The following ATP13A5 variants were observed in gnomAD, a reference collection of about 807,000 sequenced individuals.
ATP13A5 encodes the protein probable cation-transporting ATPase 13A5.
A neutral mutation model predicts 150.2 loss-of-function variants in ATP13A5; 149 were observed. The ratio of observed to expected loss-of-function variants is 0.99; its 90% confidence interval spans 0.87 to 1.14. The LOEUF is 1.14. Among genes scored for constraint, ATP13A5 ranks in the 50% most tolerant of loss-of-function variants. The pLI is 0.00. For missense variants in ATP13A5, 1,383 were observed against 1,449.3 expected (o/e 0.95, Z 0.74); for synonymous variants, 497 against 522.2 (o/e 0.95, Z 0.66).
At chr3:193,308,457 T>C (rs1031536311) in intron 21 of ATP13A5, among the ~76,000 whole-genome samples, 6 of 152,066 alleles carry the variant, frequency 3.9e-5, no homozygotes, top group African/African-American at 1.2e-4. Flanking sequence ...AGACTCTGTC[T>C]CAAAAACAAA....
At chr3:193,376,507 T>C (rs1482753369) in intron 1 of ATP13A5, among the ~76,000 whole-genome samples, 1 of 152,190 alleles carries the variant, frequency 6.6e-6, no homozygotes, top group Non-Finnish European at 1.5e-5. Context: ...CCACCATGCC[T>C]GGCCAGGGGT....
intron 25 of ATP13A5, among the ~76,000 whole-genome samples, chr3:193,294,818 C>T (rs1477065823): frequency 2.6e-5 from 4 of 152,224 alleles, no homozygotes; most frequent in Non-Finnish European, 5.9e-5. Flanking sequence ...CATAGTTTAG[C>T]CTAGCCTAGC....
At chr3:193,327,723 A>T (rs7620522) in intron 12 of ATP13A5, among the ~76,000 whole-genome samples, 11 of 152,156 alleles carry the variant, frequency 7.2e-5, no homozygotes, top group African/African-American at 2.2e-4. Flanking sequence ...AATGGAGCCG[A>T]GTACTATCAC....
At chr3:193,350,557 C>T (rs1401480037) in intron 7 of ATP13A5, among the ~76,000 whole-genome samples, 4 of 151,998 alleles carry the variant, frequency 2.6e-5, no homozygotes, top group Non-Finnish European at 5.9e-5. Flanking sequence ...TTGGGATTTC[C>T]GTAAAGATAT....
intron 18 of ATP13A5, among the ~76,000 whole-genome samples, chr3:193,314,584 G>C (rs1718976763): frequency 6.6e-6 from 1 of 152,104 alleles, no homozygotes; most frequent in Non-Finnish European, 1.5e-5. Flanking sequence ...GCTGTGCTTG[G>C]GTTTGACGAT....
intron 7 of ATP13A5, among the ~76,000 whole-genome samples, chr3:193,347,770 C>T (rs1309938403): frequency 6.6e-6 from 1 of 152,170 alleles, no homozygotes; most frequent in African/African-American, 2.4e-5. Context: ...TACTAGCAAA[C>T]TCTTTCTAAT....
chr3:193,328,527 CA>C (rs1560135181), intron 12 of ATP13A5, among the ~76,000 whole-genome samples: 1 of 152,062 alleles, frequency 6.6e-6, no homozygotes, highest in African/African-American at 2.4e-5. Context: ...AACATGAAAA[CA>C]GAGATGATAC....
chr3:193,369,836 T>C (rs1172388125), intron 1 of ATP13A5, among the ~76,000 whole-genome samples: 1 of 152,060 alleles, frequency 6.6e-6, no homozygotes, highest in Non-Finnish European at 1.5e-5. Context: ...AGCATACACC[T>C]GGAAAAACAA....
chr3:193,373,251 C>A (rs1713515765), intron 1 of ATP13A5, among the ~76,000 whole-genome samples: 1 of 152,110 alleles, frequency 6.6e-6, no homozygotes, highest in African/African-American at 2.4e-5. Context: ...CGATCTCCTG[C>A]CTTAGCCTCC....
intron 25 of ATP13A5, among the ~76,000 whole-genome samples, chr3:193,291,111 G>A (rs1717934327): frequency 6.6e-6 from 1 of 152,080 alleles, no homozygotes; most frequent in South Asian, 2.1e-4. Flanking sequence ...TTCAATATGT[G>A]TTCTGGGGTA....
intron 26 of ATP13A5, among the ~76,000 whole-genome samples, chr3:193,286,720 T>C (rs1717738051): frequency 6.6e-6 from 1 of 152,164 alleles, no homozygotes; most frequent in South Asian, 2.1e-4. Flanking sequence ...ATCTGTTCAA[T>C]TAATAACCCC....
chr3:193,355,122 G>C (rs9854431), intron 5 of ATP13A5, among the ~76,000 whole-genome samples: 81,805 of 151,206 alleles, frequency 0.54, 22,360 homozygotes, highest in African/African-American at 0.61. Flanking sequence ...AGTACAGACG[G>C]GGTTTCTCCA....
At chr3:193,316,935 A>T (rs1719072802) in intron 17 of ATP13A5, among the ~76,000 whole-genome samples, 1 of 152,228 alleles carries the variant, frequency 6.6e-6, no homozygotes, top group Admixed American at 6.5e-5. Flanking sequence ...CTAGAGGAAA[A>T]CATAGGGAGA....
intron 16 of ATP13A5, among the ~76,000 whole-genome samples, chr3:193,319,880 G>T (rs1251297329): frequency 6.6e-6 from 1 of 152,122 alleles, no homozygotes; most frequent in African/African-American, 2.4e-5. Context: ...ATTGTCTATG[G>T]CTGCTTTAAG....
chr3:193,316,286 T>G (rs6444700), intron 17 of ATP13A5, among the ~76,000 whole-genome samples: 55 of 152,072 alleles, frequency 3.6e-4, no homozygotes, highest in Admixed American at 1.8e-3. Flanking sequence ...GAAGATACCT[T>G]TTTTTGAGAT....
At chr3:193,375,786 A>G (rs1713619934) in intron 1 of ATP13A5, among the ~76,000 whole-genome samples, 2 of 152,150 alleles carry the variant, frequency 1.3e-5, no homozygotes. Flanking sequence ...GGCCAGTGCA[A>G]GGCTTTATCT....
intron 25 of ATP13A5, among the ~76,000 whole-genome samples, chr3:193,293,748 T>C (rs1315113555): frequency 2.0e-5 from 3 of 151,988 alleles, no homozygotes; most frequent in African/African-American, 4.8e-5. Flanking sequence ...TTCAAATGGG[T>C]ATCATGAGAT....
intron 17 of ATP13A5, among the ~76,000 whole-genome samples, chr3:193,315,980 A>G (rs993119429): frequency 1.3e-5 from 2 of 152,032 alleles, no homozygotes; most frequent in African/African-American, 4.8e-5. Context: ...AGCCCTTGGT[A>G]ATCACAATTC....
At chr3:193,309,873 T>C (rs904251583) in intron 21 of ATP13A5, among the ~76,000 whole-genome samples, 4 of 152,310 alleles carry the variant, frequency 2.6e-5, no homozygotes, top group Middle Eastern at 3.4e-3. Flanking sequence ...TCCCCTTTTT[T>C]AAACTTTTAT....
Sources: gnomAD v4.1 joint callset for allele counts (sites outside exome capture counted in the v4.1 genomes callset) on GRCh38, gnomAD v4.1.1 for gene constraint, MANE v1.5 for transcripts, NCBI Gene and HGNC (gene_info 2026-07-23, HGNC 2026-07-21) for gene names.